Variants in EDARADD observed in about 807,000 individuals in gnomAD.
EDARADD encodes EDAR associated via death domain.
EDARADD carries 20 observed loss-of-function variants against 25.6 expected under a neutral mutation model. The observed-to-expected ratio is 0.78, with a 90% CI of 0.55 to 1.14. The LOEUF (loss-of-function observed/expected upper bound fraction) is 1.14. EDARADD is among the 50% of genes most tolerant of loss of function. EDARADD has a pLI of 0.00. For missense variants in EDARADD, 225 were observed against 270.1 expected (o/e 0.83, Z 1.17); for synonymous variants, 86 against 94.4 (o/e 0.91, Z 0.52).
At chr1:236,418,720 T>C (rs892234204) in intron 3 of EDARADD, among the ~76,000 whole-genome samples, 1 of 152,170 alleles carries the variant, frequency 6.6e-6, no homozygotes, top group African/African-American at 2.4e-5. Context: ...AATTCAAAAG[T>C]AGAAAGGTCT....
At chr1:236,458,974 A>T (rs942002684) in intron 4 of EDARADD, among the ~76,000 whole-genome samples, 2 of 152,164 alleles carry the variant, frequency 1.3e-5, no homozygotes, top group African/African-American at 4.8e-5. Flanking sequence ...AAAATAATAG[A>T]GTAAATCATC....
At chr1:236,352,864 G>T (rs546020404) in intron 3 of EDARADD, among the ~76,000 whole-genome samples, 27 of 152,028 alleles carry the variant, frequency 1.8e-4, no homozygotes, top group African/African-American at 6.0e-4. Context: ...AAATAAATAA[G>T]CCAGGTGCAG....
intron 4 of EDARADD, among the ~76,000 whole-genome samples, chr1:236,430,726 T>C (rs1172399214): frequency 6.6e-6 from 1 of 152,236 alleles, no homozygotes. Context: ...AAGGATTCTT[T>C]GAAATGAACT....
chr1:236,469,621 C>G (rs2103036349), intron 5 of EDARADD, among the ~76,000 whole-genome samples: 1 of 152,200 alleles, frequency 6.6e-6, no homozygotes, highest in East Asian at 1.9e-4. Context: ...CCCGTAGAGC[C>G]CTCAGGGGCA....
chr1:236,468,147 G>A, intron 4 of EDARADD, 84 bp from the exon 5 acceptor site: 4 of 1,428,258 alleles, frequency 2.8e-6, no homozygotes, highest in Non-Finnish European at 4.0e-6. Flanking sequence ...GGTTTTGGTG[G>A]AAATTTAACT....
At chr1:236,429,307 A>G (rs1658031823) in intron 4 of EDARADD, among the ~76,000 whole-genome samples, 1 of 149,252 alleles carries the variant, frequency 6.7e-6, no homozygotes, top group Non-Finnish European at 1.5e-5. Flanking sequence ...CCTGGGTTCA[A>G]GAGATTCTCA....
intron 1 of EDARADD, among the ~76,000 whole-genome samples, chr1:236,397,964 G>A (rs1038941425): frequency 1.3e-5 from 2 of 151,926 alleles, no homozygotes; most frequent in Non-Finnish European, 1.5e-5. Flanking sequence ...TCTTGAGCTC[G>A]CTTTACCCCA....
chr1:236,483,683 C>T lies in EDARADD; in HGVS notation c.*1034C>T, dbSNP rs987118057. The T allele has an allele frequency of 1.2e-5, 19 of 1,570,552 alleles. No individual in the cohort carries two copies. Among genetic ancestry groups the T allele is most frequent in the African/African-American group, 1.1e-4 (8 of 73,924 alleles). On this transcript the variant is annotated 3_prime_UTR_variant, in exon 6 of 6. Transcript: ENST00000334232. The stretch of plus-strand genomic sequence containing the variant: ...TGCAGGAGTTCATGGTCCTCCCAGT[C>T]GGTGCAGCAAACTTCAGGGAAGCCA...
chr1:236,358,173 A>G (rs1667003989), intron 3 of EDARADD, among the ~76,000 whole-genome samples: 1 of 152,216 alleles, frequency 6.6e-6, no homozygotes, highest in African/African-American at 2.4e-5. Context: ...ACCTGGCCAC[A>G]AGGAAAGTAA....
chr1:236,421,797 C>T (rs972149955), intron 3 of EDARADD, among the ~76,000 whole-genome samples: 1 of 152,204 alleles, frequency 6.6e-6, no homozygotes, highest in Non-Finnish European at 1.5e-5. Context: ...GAGCCCTTCC[C>T]AGTTCTACCA....
At chr1:236,440,534 C>G (rs554169866) in intron 4 of EDARADD, among the ~76,000 whole-genome samples, 1 of 151,368 alleles carries the variant, frequency 6.6e-6, no homozygotes, top group Non-Finnish European at 1.5e-5. Context: ...GGGCATGCCT[C>G]TTTTTATTGT....
chr1:236,439,665 G>T (rs1248895315), intron 4 of EDARADD, among the ~76,000 whole-genome samples: 2 of 152,184 alleles, frequency 1.3e-5, no homozygotes, highest in Non-Finnish European at 2.9e-5. Flanking sequence ...TGAGGTGTTT[G>T]TTAAGGGCTT....
At chr1:236,450,967 ATACTACTATCTTGACTCT>A (rs1658695820) in intron 4 of EDARADD, among the ~76,000 whole-genome samples, 1 of 152,140 alleles carries the variant, frequency 6.6e-6, no homozygotes, top group Non-Finnish European at 1.5e-5. Context: ...CTGAGTACTG[ATACTACTATCTTGACTCT>A]ACCCTCTGGA....
intron 4 of EDARADD, among the ~76,000 whole-genome samples, chr1:236,428,158 G>T (rs151107107): frequency 6.6e-6 from 1 of 151,868 alleles, no homozygotes; most frequent in African/African-American, 2.4e-5. Flanking sequence ...CTTGAGATTA[G>T]GGAGTGGTGA....
At chr1:236,358,118 A>G (rs626523) in intron 3 of EDARADD, among the ~76,000 whole-genome samples, 52,886 of 152,024 alleles carry the variant, frequency 0.35, 9,501 homozygotes, top group African/African-American at 0.44. Context: ...TGTTCCACCC[A>G]ACTTCACCTC....
chr1:236,476,401 T>C (rs1162725784), intron 5 of EDARADD, among the ~76,000 whole-genome samples: 1 of 151,970 alleles, frequency 6.6e-6, no homozygotes, highest in Non-Finnish European at 1.5e-5. Flanking sequence ...AAATGTATAT[T>C]TTAGGCCAGG....
intron 4 of EDARADD, among the ~76,000 whole-genome samples, chr1:236,429,177 G>A (rs1359833675): frequency 7.0e-6 from 1 of 142,396 alleles, no homozygotes; most frequent in African/African-American, 2.5e-5. Flanking sequence ...ATCAGAGGGA[G>A]ACTGTGCAGA....
At chr1:236,401,766 G>C (rs1056548066) in intron 1 of EDARADD, among the ~76,000 whole-genome samples, 2 of 152,188 alleles carry the variant, frequency 1.3e-5, no homozygotes, top group South Asian at 4.1e-4. Flanking sequence ...AAAAAGATAT[G>C]TTGAAGTTGG....
chr1:236,471,336 C>T (rs541908016), intron 5 of EDARADD, among the ~76,000 whole-genome samples: 13 of 152,168 alleles, frequency 8.5e-5, no homozygotes, highest in South Asian at 2.1e-4. Flanking sequence ...TTTCTGAAAG[C>T]GGCTAACATA....
Sources: gnomAD v4.1 joint callset for allele counts (sites outside exome capture counted in the v4.1 genomes callset) on GRCh38, gnomAD v4.1.1 for gene constraint, MANE v1.5 for transcripts, NCBI Gene and HGNC (gene_info 2026-07-23, HGNC 2026-07-21) for gene names.